FPGT: variants seen among roughly 807,000 people sequenced by gnomAD.
The protein encoded by FPGT is GDP-L-fucose diphosphorylase.
FPGT carries 41 observed loss-of-function variants against 45.8 expected under a neutral mutation model. The observed-to-expected ratio is 0.90, with a 90% confidence interval of 0.70 to 1.16. The LOEUF (loss-of-function observed/expected upper bound fraction) is 1.16, where lower values mean the gene tolerates loss of function less well. FPGT is among the 50% of genes most tolerant of loss of function. FPGT has a pLI of 0.00. For missense variants in FPGT, 755 were observed against 689.1 expected, an observed-to-expected ratio of 1.10 and a Z score of -1.07; for synonymous variants, 292 against 247.2, an observed-to-expected ratio of 1.18 and a Z score of -1.70.
rs1439031898 is a variant in FPGT, at chr1:74,204,502, T to A, written c.455T>A (p.Ile152Asn). The A allele has an allele frequency of 6.2e-7, 1 of 1,610,616 alleles. No homozygotes were observed. The highest frequency in any genetic ancestry group is 1.7e-4 in the Middle Eastern group (1 of 6,060). Reference sequence around the variant, plus strand: ...CTAGAATTAAAACTAGCCATGTACATTGATTTCCCCTTAAATATGAATCCT... The same window carrying A: ...CTAGAATTAAAACTAGCCATGTACAATGATTTCCCCTTAAATATGAATCCT... The part of the protein sequence containing the change: ...QMLELKLAMY[I>N]DFPLNMNPGI... Residue 152 changes from isoleucine to asparagine, a missense_variant, in exon 4 of 4, where the codon ATT (isoleucine) becomes AAT (asparagine). Coordinates refer to ENST00000370898, the MANE Select transcript of FPGT (RefSeq NM_003838.5).
chr1:74,204,566 T>C lies in FPGT; in HGVS notation c.519T>C (p.Tyr173=). 1.9e-6 allele frequency: 3 copies of C among 1,610,296 alleles called. No homozygotes were observed. The highest frequency in any genetic ancestry group is 2.5e-6 in the Non-Finnish European group (3 of 1,176,558). The part of the protein sequence containing the change: ...LVTCADDIEL[Y]SIGEFEFIRF... The stretch of plus-strand genomic sequence containing the variant: ...CCTGTGCAGATGATATTGAACTTTA[T>C]AGTATTGGAGAATTTGAGTTTATTA... The change falls in exon 4 of 4, where the codon TAT becomes TAC. Residue 173 remains tyrosine, a synonymous_variant. Coordinates refer to ENST00000370898, the MANE Select transcript of FPGT (RefSeq NM_003838.5).
At position 74,204,522 on chromosome 1, in the gene FPGT, A is replaced by G; in HGVS notation, c.475A>G (p.Asn159Asp). Residue 159 changes from asparagine to aspartate, a missense_variant, in exon 4 of 4, where the codon AAT becomes GAT. Transcript: ENST00000370898. ...GTACATTGATTTCCCCTTAAATATG[A>G]ATCCTGGAATTCTGGTTACCTGTGC... ...AMYIDFPLNM[N>D]PGILVTCADD... 1 of 1,608,928 alleles carries G rather than the reference A, an allele frequency of 6.2e-7. No homozygotes were observed. Among genetic ancestry groups the G allele is most frequent in the Non-Finnish European group, 8.5e-7 (1 of 1,175,352 alleles).
At chr1:74,201,261 C>A in intron 2 of FPGT, 57 bp from the exon 3 acceptor site, 3 of 1,444,482 alleles carry the variant, frequency 2.1e-6, no homozygotes, top group Non-Finnish European at 2.9e-6. Flanking sequence ...ACTGTCATGA[C>A]AAAGTTTTAG....
chr1:74,205,794 A>T lies in FPGT; in HGVS notation c.1747A>T (p.Ile583Phe). ...VEDMITYREQ[I>F]FLEISLKSSL... Reference sequence around the variant, plus strand: ...AGATATGATAACTTACAGGGAACAAATTTTTCTAGAAATCAGTTTAAAAAG... The same window carrying T: ...AGATATGATAACTTACAGGGAACAATTTTTTCTAGAAATCAGTTTAAAAAG... The change falls in exon 4 of 4, where the codon ATT becomes TTT. Residue 583 changes from isoleucine to phenylalanine, a missense_variant. Transcript: ENST00000370898. 6.4e-7 allele frequency: 1 copy of T among 1,573,610 alleles called. No homozygotes were observed. The highest frequency in any genetic ancestry group is 8.7e-7 in the Non-Finnish European group (1 of 1,148,532).
At chr1:74,201,636 C>A (rs1169220916) in intron 3 of FPGT, among the ~76,000 whole-genome samples, 1 of 151,938 alleles carries the variant, frequency 6.6e-6, no homozygotes, top group Admixed American at 6.6e-5. Flanking sequence ...TCACGTATAT[C>A]GTCAGTCTTT....
chr1:74,202,597 A>G (rs1651894585), intron 3 of FPGT, among the ~76,000 whole-genome samples: 1 of 152,182 alleles, frequency 6.6e-6, no homozygotes, highest in Non-Finnish European at 1.5e-5. Flanking sequence ...ACAGAAACTT[A>G]TTAGCTCTCT....
At position 74,205,240 on chromosome 1, in the gene FPGT, A is replaced by G. The variant is rs779867365; in HGVS notation, c.1193A>G (p.Lys398Arg). 1.9e-6 allele frequency: 3 copies of G among 1,613,830 alleles called. No homozygotes were observed. In the East Asian group the frequency reaches 6.7e-5, roughly 36 times the overall value. Residue 398 changes from lysine to arginine, a missense_variant, in exon 4 of 4, where the codon AAA becomes AGA. Physicochemically the swap from Lys to Arg is conservative, Grantham distance 26. Coordinates refer to ENST00000370898, the MANE Select transcript of FPGT (RefSeq NM_003838.5). ...CCAGATATACCAGAATGCTCTGGCA[A>G]AACATCCTGTATCATTCAAAGCATA... ...IFPDIPECSG[K>R]TSCIIQSILD...
intron 3 of FPGT, 120 bp from the exon 4 acceptor site, chr1:74,204,271 A>G: frequency 1.7e-6 from 1 of 573,582 alleles, no homozygotes; most frequent in Non-Finnish European, 2.9e-6. Flanking sequence ...CAAGTGGCAT[A>G]TATTAAATAT....
intron 1 of FPGT, among the ~76,000 whole-genome samples, chr1:74,198,659 C>T (rs1367292488): frequency 1.3e-5 from 2 of 152,104 alleles, no homozygotes; most frequent in African/African-American, 4.8e-5. Context: ...ATAAAAGTTG[C>T]TTTAAATAAA....
At position 74,198,314 on chromosome 1, in the gene FPGT, G is replaced by T. The variant is rs903746972; in HGVS notation, c.36G>T (p.Leu12=). Residue 12 remains leucine (L), a synonymous_variant, in exon 1 of 4, where the codon CTG becomes CTT. Transcript: ENST00000370898. ...CTAGGGACCCTCCGGAAGTATCGCT[G>T]CGAGAAGCCACCCAGCGAAAATTGC... ...AAARDPPEVS[L]REATQRKLRR... is the part of the protein sequence containing the mutation. 1 of 1,614,188 alleles carries T rather than the reference G, an allele frequency of 6.2e-7. No homozygotes were observed. The highest frequency in any genetic ancestry group is 8.5e-7 in the Non-Finnish European group (1 of 1,180,036).
rs956075730 is a variant in FPGT at position 74,206,430 on chromosome 1, A to G, written c.*598A>G. 1 of 152,154 alleles carries G rather than the reference A, an allele frequency of 6.6e-6. No homozygotes were observed. Among genetic ancestry groups the G allele is most frequent in the African/African-American group, 2.4e-5 (1 of 41,456 alleles). 9.4% of individuals were successfully genotyped at this position (152,154 alleles called of 1,614,324 possible). ...TTAATTTTATCAAAATGAAACTAAA[A>G]GTACATATGTATTATACACTTGAAC... On this transcript the variant is annotated 3_prime_UTR_variant, in exon 4 of 4. Coordinates refer to ENST00000370898, the MANE Select transcript of FPGT (RefSeq NM_003838.5).
rs1652232192 is a variant in FPGT at position 74,205,717 on chromosome 1, A to G, written c.1670A>G (p.Asn557Ser). 2 of 1,610,204 alleles carry G rather than the reference A, an allele frequency of 1.2e-6. No individual in the cohort carries two copies. The highest frequency in any genetic ancestry group is 1.7e-5 in the Admixed American group (1 of 60,010). ...AVKNKSAFSLNSYKLLSIEEM... is the reference protein window; with the variant it reads ...AVKNKSAFSLSSYKLLSIEEM... ...AAGAACAAGTCAGCATTCAGCCTGAATAGCTATAAGTTGCTGTCCATTGAA... is the reference window on the plus strand; with the variant it reads ...AAGAACAAGTCAGCATTCAGCCTGAGTAGCTATAAGTTGCTGTCCATTGAA... Residue 557 changes from asparagine to serine, a missense_variant, in exon 4 of 4, where the codon AAT becomes AGT. Asn to Ser is a conservative substitution (Grantham distance 46). Coordinates refer to ENST00000370898, the MANE Select transcript of FPGT (RefSeq NM_003838.5).
intron 2 of FPGT, among the ~76,000 whole-genome samples, chr1:74,201,048 C>T (rs1175505305): frequency 6.6e-6 from 1 of 152,018 alleles, no homozygotes; most frequent in Non-Finnish European, 1.5e-5. Flanking sequence ...ATTGATTCTT[C>T]TTTCTTATAA....
Position 74,204,427 on chromosome 1 carries a change from TG to T in FPGT, c.383del (p.Gly128GlufsTer17). 1 of 1,597,198 alleles carries T rather than the reference TG, an allele frequency of 6.3e-7. No individual in the cohort carries two copies. The highest frequency in any genetic ancestry group is 8.5e-7 in the Non-Finnish European group (1 of 1,171,480). On this transcript the variant is annotated frameshift_variant, in exon 4 of 4. Coordinates refer to ENST00000370898, the MANE Select transcript of FPGT (RefSeq NM_003838.5). LOFTEE classifies it high-confidence loss of function. ...CAACGACTTCCAAATGCAAGTGCTC[TG>T]GGAAAAATTTTCACTGCTTTACCTC... ...YSQRLPNASA[L>X]GKIFTALPLG...
chr1:74,200,489 T>C (rs1288691057), intron 2 of FPGT, among the ~76,000 whole-genome samples: 1 of 143,654 alleles, frequency 7.0e-6, no homozygotes, highest in Non-Finnish European at 1.5e-5. Flanking sequence ...TCAGTACTGT[T>C]ATTATTTCTT....
rs1285588196 is a variant in FPGT, at chr1:74,208,294, AGAG to A, written c.*2466_*2468del. 9.2e-5 allele frequency among the ~76,000 whole-genome samples: 14 copies of A among 152,030 alleles called. No individual in the cohort carries two copies. In the East Asian group the frequency reaches 1.4e-3, roughly 15 times the overall value. Reference sequence around the variant, plus strand: ...TGAATAATGCAGTGTACATGATGATAGAGGAGAAGTGTGTTTTTGATAAGAAGT... The same window carrying A: ...TGAATAATGCAGTGTACATGATGATAGAGAAGTGTGTTTTTGATAAGAAGT... On this transcript the variant is annotated 3_prime_UTR_variant, in exon 4 of 4. Transcript: ENST00000370898.
In FPGT at chr1:74,205,145, G is replaced by A. The variant is rs1284039200; in HGVS notation, c.1098G>A (p.Leu366=). 5 of 1,613,480 alleles carry A rather than the reference G, an allele frequency of 3.1e-6. No homozygotes were observed. Among genetic ancestry groups the A allele is most frequent in the Non-Finnish European group, 4.2e-6 (5 of 1,179,578 alleles). Reference sequence around the variant, plus strand: ...ACATTGGAACAACCGAAGAATATTTGTTTTACTTTACCTCAGATAACAGTT... The same window carrying A: ...ACATTGGAACAACCGAAGAATATTTATTTTACTTTACCTCAGATAACAGTT... The part of the protein sequence containing the change: ...FYHIGTTEEY[L]FYFTSDNSLK... Residue 366 remains leucine (L), a synonymous_variant, in exon 4 of 4, where the codon TTG becomes TTA. Transcript: ENST00000370898.
Position 74,205,529 on chromosome 1 carries a change from A to C in FPGT, c.1482A>C (p.Gly494=), listed in dbSNP as rs761877937. 6.2e-7 allele frequency: 1 copy of C among 1,613,036 alleles called. No individual in the cohort carries two copies. The highest frequency in any genetic ancestry group is 8.5e-7 in the Non-Finnish European group (1 of 1,179,018). The part of the protein sequence containing the change: ...LSDIKLLQFF[G]VCFLSCLDVW... ...ATATAAAGTTACTTCAATTCTTTGG[A>C]GTCTGTTTCCTGTCATGCTTAGATG... Residue 494 remains glycine (G), a synonymous_variant, in exon 4 of 4, where the codon GGA becomes GGC. Transcript: ENST00000370898.
rs901501615 is a variant in FPGT at position 74,208,318 on chromosome 1, G to T, written c.*2486G>T. On this transcript the variant is annotated 3_prime_UTR_variant, in exon 4 of 4. Transcript: ENST00000370898. Reference sequence around the variant, plus strand: ...TAGAGGAGAAGTGTGTTTTTGATAAGAAGTGACTAAATTTTGTGACAATCT... The same window carrying T: ...TAGAGGAGAAGTGTGTTTTTGATAATAAGTGACTAAATTTTGTGACAATCT... 2.0e-5 allele frequency among the ~76,000 whole-genome samples: 3 copies of T among 151,416 alleles called. No homozygotes were observed. The highest frequency in any genetic ancestry group is 2.9e-5 in the Non-Finnish European group (2 of 67,866).
Sources: gnomAD v4.1 joint callset for allele counts (sites outside exome capture counted in the v4.1 genomes callset) on GRCh38, gnomAD v4.1.1 for gene constraint, MANE v1.5 for transcripts, NCBI Gene and HGNC (gene_info 2026-07-23, HGNC 2026-07-21) for gene names.